RANBP2: variants seen among roughly 807,000 people sequenced by gnomAD.
The protein encoded by RANBP2 is E3 SUMO-protein ligase RanBP2.
RANBP2 carries 57 observed loss-of-function variants against 303.6 expected under a neutral mutation model. The observed-to-expected ratio is 0.19, with a 90% CI of 0.15 to 0.23. RANBP2 has a LOEUF of 0.23. Among genes scored for constraint, RANBP2 ranks in the 10% least tolerant of loss-of-function variants. The probability of loss-of-function intolerance (pLI) is 1.00; values close to 1 mark genes in which losing one functional copy is unlikely to be tolerated. For missense variants in RANBP2, 3,138 were observed against 3,780.8 expected (o/e 0.83, Z 4.46); for synonymous variants, 1,167 against 1,301.5 (o/e 0.90, Z 2.23).
the RANBP2 span, among the ~76,000 whole-genome samples, chr2:108,871,899 A>G: frequency 1.3e-5 from 2 of 151,964 alleles, no homozygotes; most frequent in African/African-American, 4.8e-5. Flanking sequence ...TATTTTCTCT[A>G]GTTTTACAGT....
the RANBP2 span, chr2:109,501,825 T>G: frequency 1.7e-6 from 1 of 597,072 alleles, no homozygotes; most frequent in East Asian, 2.8e-5. Context: ...GGCCAGGGAC[T>G]GTGGAGGTCG....
At chr2:109,140,444 G>A in the RANBP2 span, among the ~76,000 whole-genome samples, 2 of 151,824 alleles carry the variant, frequency 1.3e-5, no homozygotes, top group Non-Finnish European at 2.9e-5. Context: ...GCAGTGGTGC[G>A]ATCTTGGCTC....
chr2:109,300,441 A>C, the RANBP2 span, among the ~76,000 whole-genome samples: 2 of 152,096 alleles, frequency 1.3e-5, no homozygotes, highest in African/African-American at 4.8e-5. Flanking sequence ...CAGTGTCCCA[A>C]AGTGCTGGGA....
At chr2:108,752,678 A>G (rs1171732266) in intron 12 of RANBP2, among the ~76,000 whole-genome samples, 1 of 150,934 alleles carries the variant, frequency 6.6e-6, no homozygotes, top group African/African-American at 2.4e-5. Context: ...CTGTAGTCCC[A>G]GCTACTTGGG....
At chr2:109,432,676 G>A in the RANBP2 span, 11 of 1,608,808 alleles carry the variant, frequency 6.8e-6, no homozygotes, top group Non-Finnish European at 7.6e-6. Flanking sequence ...TTCCAGGTGA[G>A]GGCATGGTGG....
At chr2:109,629,653 A>C in the RANBP2 span, among the ~76,000 whole-genome samples, 1 of 151,890 alleles carries the variant, frequency 6.6e-6, no homozygotes, top group South Asian at 2.1e-4. Context: ...TCTACTAAAA[A>C]TACAAAAATT....
the RANBP2 span, among the ~76,000 whole-genome samples, chr2:109,671,227 G>C: frequency 4.6e-5 from 7 of 152,130 alleles, no homozygotes; most frequent in African/African-American, 1.7e-4. Context: ...AGCTTGCCTC[G>C]CTGTGAGTTG....
At chr2:108,861,444 T>G in the RANBP2 span, among the ~76,000 whole-genome samples, 1 of 151,620 alleles carries the variant, frequency 6.6e-6, no homozygotes. Context: ...TTTTTTTATG[T>G]AGACATTTAG....
chr2:108,739,135 G>T (rs1370300517), intron 6 of RANBP2, among the ~76,000 whole-genome samples: 3 of 151,932 alleles, frequency 2.0e-5, no homozygotes, highest in Non-Finnish European at 1.5e-5. Context: ...GGGCGCGGTG[G>T]CTCAGCCCTG....
the RANBP2 span, chr2:109,733,035 G>A: frequency 1.1e-5 from 6 of 570,496 alleles, no homozygotes; most frequent in East Asian, 4.5e-5. Flanking sequence ...CCACCTCGTC[G>A]CAGACCTCCA....
chr2:109,201,814 C>G, the RANBP2 span, among the ~76,000 whole-genome samples: 1 of 152,182 alleles, frequency 6.6e-6, no homozygotes, highest in African/African-American at 2.4e-5. Flanking sequence ...CAGCTGATCT[C>G]TTGGGTTATT....
chr2:108,749,809 G>C (rs1400899936), intron 9 of RANBP2, among the ~76,000 whole-genome samples: 1 of 151,988 alleles, frequency 6.6e-6, no homozygotes, highest in East Asian at 1.9e-4. Context: ...GCCCAGGCTA[G>C]TCTTGAACTC....
chr2:109,681,466 A>G, the RANBP2 span, among the ~76,000 whole-genome samples: 1 of 152,330 alleles, frequency 6.6e-6, no homozygotes, highest in Admixed American at 6.5e-5. Context: ...CTTTGGTTGG[A>G]GGTGGGGATA....
chr2:109,568,061 T>C, the RANBP2 span: 1 of 1,074,342 alleles, frequency 9.3e-7, no homozygotes, highest in Non-Finnish European at 1.3e-6. Context: ...AACTGTTCAT[T>C]CTGACAATGA....
chr2:109,659,368 C>G, the RANBP2 span, among the ~76,000 whole-genome samples: 3 of 152,110 alleles, frequency 2.0e-5, no homozygotes, highest in South Asian at 6.2e-4. Flanking sequence ...GAGATTTCAT[C>G]CCCCCCAAAA....
the RANBP2 span, among the ~76,000 whole-genome samples, chr2:109,681,110 C>T: frequency 2.2e-4 from 34 of 152,328 alleles, no homozygotes; most frequent in African/African-American, 7.7e-4. Context: ...GGACTAACTG[C>T]AGTCTTCTCG....
At chr2:109,483,736 A>G in the RANBP2 span, among the ~76,000 whole-genome samples, 1 of 152,198 alleles carries the variant, frequency 6.6e-6, no homozygotes, top group Non-Finnish European at 1.5e-5. Flanking sequence ...GCTGTGCCAC[A>G]TGAGGTCACA....
the RANBP2 span, among the ~76,000 whole-genome samples, chr2:108,890,048 C>A: frequency 6.6e-6 from 1 of 151,954 alleles, no homozygotes; most frequent in South Asian, 2.1e-4. Context: ...TGAATTCCCT[C>A]AGCATTTGCT....
At chr2:109,366,412 C>T in the RANBP2 span, among the ~76,000 whole-genome samples, 1 of 152,160 alleles carries the variant, frequency 6.6e-6, no homozygotes, top group Non-Finnish European at 1.5e-5. Context: ...TGGAAAAAAG[C>T]AAGATACAGA....
Sources: allele counts gnomAD v4.1 joint callset (sites outside exome capture counted in the v4.1 genomes callset), GRCh38; gene constraint gnomAD v4.1.1; transcripts MANE v1.5; gene names NCBI Gene and HGNC (gene_info 2026-07-23, HGNC 2026-07-21).